ZFHX3: variants seen among roughly 807,000 people sequenced by gnomAD.
ZFHX3 encodes zinc finger homeobox 3.
ZFHX3 carries 42 observed loss-of-function variants against 279.1 expected under a neutral mutation model. That is an observed-to-expected ratio of 0.15 (90% CI 0.12 to 0.19). The LOEUF (loss-of-function observed/expected upper bound fraction) is 0.19, where lower values mean the gene tolerates loss of function less well. Ranked by LOEUF, ZFHX3 falls within the 10% of genes least tolerant of loss-of-function variation. The probability of loss-of-function intolerance (pLI) is 1.00; values close to 1 mark genes in which losing one functional copy is unlikely to be tolerated. For synonymous variants in ZFHX3, 2,293 were observed against 1,957.8 expected (o/e 1.17, Z -4.52); for missense variants, 4,981 against 4,754.0 (o/e 1.05, Z -1.40).
chr16:72,794,886 C>T lies in ZFHX3; in HGVS notation c.7796G>A (p.Ser2599Asn). 6.2e-7 allele frequency: 1 copy of T among 1,614,020 alleles called. No individual in the cohort carries two copies. Among genetic ancestry groups the T allele is most frequent in the South Asian group, 1.1e-5 (1 of 91,076 alleles). ...LSGAIPQIPA[S>N]SATSPSTPTS... ...TGGAGTTGAAGGAGAAGTGGCTGAG[C>T]TTGCTGGAATCTGAGGTATGGCCCC... The change falls in exon 9 of 10, where the codon AGC becomes AAC. Residue 2599 changes from serine (S) to asparagine (N), a missense_variant. By Grantham distance (46) the Ser-to-Asn change is conservative. This residue lies in a region of ZFHX3 where 744 missense variants were observed against 701.3 expected (regional missense o/e 1.06). Transcript: ENST00000268489. This position sits in a 1 kb window ranked among gnomAD's most constrained non-coding sequence, Gnocchi z 4.2.
intron 4 of ZFHX3, among the ~76,000 whole-genome samples, chr16:73,279,792 T>G (rs1597259128): frequency 6.6e-6 from 1 of 152,292 alleles, no homozygotes; most frequent in East Asian, 1.9e-4. Flanking sequence ...AACAGAGTCT[T>G]GCAACTGAGC....
At chr16:73,730,576 C>T (rs2053561914) in intron 1 of ZFHX3, among the ~76,000 whole-genome samples, 1 of 152,056 alleles carries the variant, frequency 6.6e-6, no homozygotes, top group South Asian at 2.1e-4. Flanking sequence ...CCATATGGTT[C>T]CCGTCTATCT....
chr16:73,189,586 T>G (rs918434170), intron 5 of ZFHX3, among the ~76,000 whole-genome samples: 1 of 152,146 alleles, frequency 6.6e-6, no homozygotes, highest in Non-Finnish European at 1.5e-5. Context: ...TTGGAAGCAG[T>G]GAGTGGAGAG....
intron 3 of ZFHX3, among the ~76,000 whole-genome samples, chr16:72,893,724 G>A (rs1225541530): frequency 6.6e-6 from 1 of 152,212 alleles, no homozygotes; most frequent in African/African-American, 2.4e-5. Context: ...ACAAGAAAAT[G>A]AAGCCACGGC....
At chr16:73,754,235 A>G (rs989371587) in intron 1 of ZFHX3, among the ~76,000 whole-genome samples, 2 of 152,126 alleles carry the variant, frequency 1.3e-5, no homozygotes, top group African/African-American at 4.8e-5. Context: ...CCGCAGCCTG[A>G]TCTACTATCT....
At chr16:73,247,220 G>C (rs1597241078) in intron 5 of ZFHX3, among the ~76,000 whole-genome samples, 1 of 151,822 alleles carries the variant, frequency 6.6e-6, no homozygotes, top group Admixed American at 6.6e-5. Flanking sequence ...TGTATAAAAT[G>C]TGTCTGTGTG....
intron 2 of ZFHX3, among the ~76,000 whole-genome samples, chr16:73,468,500 C>T (rs1168577558): frequency 6.6e-6 from 1 of 152,128 alleles, no homozygotes; most frequent in Admixed American, 6.5e-5. Context: ...CTTTGGGAGG[C>T]CCAGACAGGT....
At chr16:73,114,834 T>C (rs562646651) in intron 7 of ZFHX3, among the ~76,000 whole-genome samples, 1 of 152,310 alleles carries the variant, frequency 6.6e-6, no homozygotes, top group East Asian at 1.9e-4. Flanking sequence ...TTTTAGTTTG[T>C]TTTTAAAGAG....
At chr16:72,829,212 T>C (rs1313850897) in intron 5 of ZFHX3, among the ~76,000 whole-genome samples, 2 of 146,832 alleles carry the variant, frequency 1.4e-5, no homozygotes, top group East Asian at 2.0e-4. Flanking sequence ...AGGGACTCGC[T>C]ATGTTGCCCA....
At chr16:73,060,989 A>G (rs895761131), upstream of ZFHX3, 7 of 152,250 alleles carry the variant, frequency 4.6e-5, no homozygotes, top group East Asian at 1.4e-3. Context: ...AATCCTTCTG[A>G]ATTCACTCTG....
intron 3 of ZFHX3, among the ~76,000 whole-genome samples, chr16:73,434,709 TG>T (rs1453955941): frequency 6.6e-6 from 1 of 152,098 alleles, no homozygotes; most frequent in Non-Finnish European, 1.5e-5. Flanking sequence ...TGTGGAACAG[TG>T]GGCTGGGAGT....
At chr16:72,990,075 C>T (rs1963023389) in intron 1 of ZFHX3, among the ~76,000 whole-genome samples, 1 of 152,110 alleles carries the variant, frequency 6.6e-6, no homozygotes, top group Admixed American at 6.5e-5. Context: ...TTTCCCCCCA[C>T]CGTTTCTGTT....
chr16:73,719,020 G>C (rs1425018895), intron 1 of ZFHX3, among the ~76,000 whole-genome samples: 2 of 152,270 alleles, frequency 1.3e-5, no homozygotes, highest in South Asian at 4.1e-4. Context: ...TCTGCTTAAG[G>C]CTGCCTGATT....
intron 3 of ZFHX3, among the ~76,000 whole-genome samples, chr16:73,414,494 C>G (rs557702455): frequency 1.3e-5 from 2 of 152,230 alleles, no homozygotes; most frequent in African/African-American, 2.4e-5. Context: ...CCCTGTGATT[C>G]TCCAACTTAT....
At chr16:72,984,625 C>CAA (rs60014247) in intron 1 of ZFHX3, among the ~76,000 whole-genome samples, 6,013 of 132,546 alleles carry the variant, frequency 0.045, 148 homozygotes, top group East Asian at 0.12. Context: ...GACTCTGACT[C>CAA]AAAAAAAAAA....
intron 5 of ZFHX3, among the ~76,000 whole-genome samples, chr16:73,178,284 C>A (rs1475986600): frequency 6.6e-6 from 1 of 151,916 alleles, no homozygotes; most frequent in Non-Finnish European, 1.5e-5. Context: ...ATTACAGGCA[C>A]CCGCCACAAC....
rs149310054 is a variant in ZFHX3, at chr16:72,929,739, C to T, written c.3216+20730G>A. Among the ~76,000 whole-genome samples, 171 of 152,276 alleles carry T rather than the reference C, an allele frequency of 1.1e-3. 1 individual carries two copies. The highest frequency in any genetic ancestry group is 4.0e-3 in the African/African-American group (165 of 41,558). On this transcript the variant is annotated intron_variant, in intron 3 of 9. Transcript: ENST00000268489. ...CTCTTCTACCTCATTAACCGAAACA[C>T]ATTAAAACAAGTGTGCACTGGGAGC...
intron 3 of ZFHX3, among the ~76,000 whole-genome samples, chr16:73,409,543 T>C (rs2017425939): frequency 6.6e-6 from 1 of 152,200 alleles, no homozygotes; most frequent in Non-Finnish European, 1.5e-5. Context: ...ACAACCACTA[T>C]GGAGAACAGT....
chr16:72,803,893 A>C (rs2036188212), intron 7 of ZFHX3, among the ~76,000 whole-genome samples: 1 of 152,238 alleles, frequency 6.6e-6, no homozygotes, highest in Admixed American at 6.5e-5. Flanking sequence ...AGGCAGTTCC[A>C]TGGTGATCTT....
Sources: allele counts gnomAD v4.1 joint callset (sites outside exome capture counted in the v4.1 genomes callset), GRCh38; gene constraint gnomAD v4.1.1; regional missense constraint gnomAD v4.1.1; non-coding constraint Gnocchi (gnomAD v3.1); transcripts MANE v1.5; gene names NCBI Gene and HGNC (gene_info 2026-07-23, HGNC 2026-07-21).